TENM2: variants seen among roughly 807,000 people sequenced by gnomAD.
TENM2 encodes teneurin transmembrane protein 2.
In TENM2, 52 loss-of-function variants were observed where a neutral mutation model predicts 245.2. That is an observed-to-expected ratio of 0.21 (90% CI 0.17 to 0.27). The LOEUF is 0.27. Ranked by LOEUF, TENM2 falls within the 10% of genes least tolerant of loss-of-function variation. TENM2 has a pLI of 1.00. For synonymous variants in TENM2, 1,363 were observed against 1,438.9 expected (o/e 0.95, Z 1.19); for missense variants, 3,046 against 3,666.8 (o/e 0.83, Z 4.37).
chr5:167,913,107 T>G (rs1014079759), intron 3 of TENM2, among the ~76,000 whole-genome samples: 32 of 152,162 alleles, frequency 2.1e-4, no homozygotes, highest in Non-Finnish European at 3.7e-4. Flanking sequence ...AGAGCAGCAT[T>G]GCCATAATGT....
the TENM2 span, among the ~76,000 whole-genome samples, chr5:167,251,093 G>A: frequency 7.9e-5 from 12 of 152,176 alleles, no homozygotes; most frequent in African/African-American, 2.4e-4. Context: ...AAAGAAAAAA[G>A]TGCTAATGAT....
At chr5:167,659,298 T>C (rs1755053305) in intron 2 of TENM2, among the ~76,000 whole-genome samples, 2 of 152,220 alleles carry the variant, frequency 1.3e-5, no homozygotes, top group Admixed American at 1.3e-4. Context: ...ACTCCTATTA[T>C]AAGTATTGTT....
At chr5:167,190,588 C>T in the TENM2 span, among the ~76,000 whole-genome samples, 17 of 152,092 alleles carry the variant, frequency 1.1e-4, no homozygotes, top group South Asian at 2.1e-3. Context: ...ATAAAATCTC[C>T]AAGGGTACTT....
chr5:167,809,692 A>C (rs1583065796), intron 2 of TENM2, among the ~76,000 whole-genome samples: 1 of 152,220 alleles, frequency 6.6e-6, no homozygotes, highest in East Asian at 1.9e-4. Flanking sequence ...TTTTTTAAGT[A>C]GTTGGCAAAA....
the TENM2 span, among the ~76,000 whole-genome samples, chr5:167,053,347 T>G: frequency 6.6e-6 from 1 of 152,190 alleles, no homozygotes; most frequent in African/African-American, 2.4e-5. Context: ...CACCTATATC[T>G]CAGACTCGGA....
At chr5:167,220,859 C>G in the TENM2 span, among the ~76,000 whole-genome samples, 20 of 151,574 alleles carry the variant, frequency 1.3e-4, no homozygotes, top group African/African-American at 3.6e-4. Context: ...GAGTCTCACT[C>G]TGTTGCACCC....
At chr5:168,106,155 T>C (rs750260925) in intron 9 of TENM2, among the ~76,000 whole-genome samples, 12 of 152,194 alleles carry the variant, frequency 7.9e-5, no homozygotes, top group Admixed American at 2.0e-4. Context: ...CAGCTGTCAC[T>C]GGAGGCCCAG....
intron 2 of TENM2, among the ~76,000 whole-genome samples, chr5:167,668,167 C>T (rs746521779): frequency 3.9e-5 from 6 of 152,154 alleles, no homozygotes; most frequent in Non-Finnish European, 5.9e-5. Flanking sequence ...ATACTCTACC[C>T]TCTTTCCTGG....
chr5:167,535,758 C>G (rs775929185), intron 2 of TENM2, among the ~76,000 whole-genome samples: 1 of 152,202 alleles, frequency 6.6e-6, no homozygotes, highest in Non-Finnish European at 1.5e-5. Flanking sequence ...TTCCCAGCCA[C>G]CAGAACTATG....
the TENM2 span, among the ~76,000 whole-genome samples, chr5:167,002,446 A>G: frequency 5.9e-5 from 9 of 152,146 alleles, no homozygotes; most frequent in Non-Finnish European, 1.3e-4. Flanking sequence ...GAGAAAAATT[A>G]TAGCTGCCTA....
intron 5 of TENM2, among the ~76,000 whole-genome samples, chr5:167,999,002 G>T (rs537242459): frequency 1.3e-5 from 2 of 152,270 alleles, no homozygotes; most frequent in East Asian, 1.9e-4. Context: ...CTGCTATTTT[G>T]TGTATTCTCA....
chr5:168,184,600 A>G (rs544259254), intron 13 of TENM2, among the ~76,000 whole-genome samples: 2 of 152,328 alleles, frequency 1.3e-5, no homozygotes, highest in African/African-American at 4.8e-5. Flanking sequence ...AGTGAAATCA[A>G]CATCTTCTCA....
rs368486009 is a variant in TENM2, at chr5:167,931,551, G to GAAA, written c.713-21019_713-21017dup. ...GCACCCCAACCCCATAAACCCATTG[G>GAAA]AAAAAAAAAAAAAAAAAAAACAAGA... On this transcript the variant is annotated intron_variant, in intron 3 of 28. Transcript: ENST00000518659. 1.9e-4 allele frequency among the ~76,000 whole-genome samples: 21 copies of GAAA among 110,328 alleles called. No individual in the cohort carries two copies. In the East Asian group the frequency reaches 2.0e-3, roughly 10 times the overall value. The allele number at this position is 110,328 out of a possible 152,430, so 72.4% of individuals were successfully genotyped here. A position where few individuals can be genotyped will look rare whatever the true frequency, so the allele number is the denominator to read the frequency against.
chr5:167,753,474 A>G (rs1762090443), intron 2 of TENM2, among the ~76,000 whole-genome samples: 1 of 152,218 alleles, frequency 6.6e-6, no homozygotes, highest in East Asian at 1.9e-4. Flanking sequence ...TCCCTTGTGC[A>G]AAGAGTAATT....
intron 2 of TENM2, among the ~76,000 whole-genome samples, chr5:167,596,081 A>G (rs1582488815): frequency 6.6e-6 from 1 of 152,144 alleles, no homozygotes; most frequent in Admixed American, 6.5e-5. Flanking sequence ...TTTGTTCAGC[A>G]TGCCCCAGTC....
chr5:167,021,684 G>GA, the TENM2 span, among the ~76,000 whole-genome samples: 1 of 152,176 alleles, frequency 6.6e-6, no homozygotes, highest in Non-Finnish European at 1.5e-5. Context: ...CTGTAAAACT[G>GA]ATGGATGTTG....
intron 2 of TENM2, among the ~76,000 whole-genome samples, chr5:167,823,250 A>G (rs1378526464): frequency 6.6e-6 from 1 of 152,148 alleles, no homozygotes; most frequent in East Asian, 1.9e-4. Flanking sequence ...CTCTATTTTC[A>G]TCAGATGCTT....
chr5:167,193,275 A>G, the TENM2 span, among the ~76,000 whole-genome samples: 4 of 152,024 alleles, frequency 2.6e-5, no homozygotes, highest in South Asian at 2.1e-4. Flanking sequence ...CTTGGGGTAC[A>G]TTTTCAGCAT....
chr5:167,939,706 G>T (rs1779018655), intron 3 of TENM2, among the ~76,000 whole-genome samples: 1 of 152,216 alleles, frequency 6.6e-6, no homozygotes. Flanking sequence ...CTTCCTGAAA[G>T]AAGCGGAATT....
Sources: gnomAD v4.1 joint callset for allele counts (sites outside exome capture counted in the v4.1 genomes callset) on GRCh38, gnomAD v4.1.1 for gene constraint, MANE v1.5 for transcripts, NCBI Gene and HGNC (gene_info 2026-07-23, HGNC 2026-07-21) for gene names.